The following OXR1 variants were observed in gnomAD, a reference collection of about 807,000 sequenced individuals.
OXR1 encodes the protein oxidation resistance 1.
In OXR1, 41 loss-of-function variants were observed where a neutral mutation model predicts 104.6. The ratio of observed to expected loss-of-function variants is 0.39; its 90% confidence interval spans 0.31 to 0.51. OXR1 has a LOEUF of 0.51. Ranked by LOEUF, OXR1 falls within the 20% of genes least tolerant of loss-of-function variation. The pLI, the probability that OXR1 is intolerant of heterozygous loss-of-function variation, is 0.77. For missense variants in OXR1, 955 were observed against 1,031.9 expected (o/e 0.93, Z 1.02); for synonymous variants, 348 against 348.4 (o/e 1.00, Z 0.01).
intron 3 of OXR1, among the ~76,000 whole-genome samples, chr8:106,575,543 T>G (rs1248731351): frequency 6.6e-6 from 1 of 152,100 alleles, no homozygotes; most frequent in Non-Finnish European, 1.5e-5. Flanking sequence ...ATTTCTTGTT[T>G]TAATGCAAAT....
intron 1 of OXR1, among the ~76,000 whole-genome samples, chr8:106,294,917 A>G (rs1433465246): frequency 6.6e-6 from 1 of 152,196 alleles, no homozygotes; most frequent in African/African-American, 2.4e-5. Context: ...GTGTTTTCAT[A>G]ACAATCTGTG....
At chr8:106,450,956 CTG>C (rs1285895979) in intron 2 of OXR1, among the ~76,000 whole-genome samples, 1 of 152,062 alleles carries the variant, frequency 6.6e-6, no homozygotes, top group African/African-American at 2.4e-5. Context: ...AAGCAGCAAA[CTG>C]TGATATTCAG....
At chr8:106,364,256 A>G (rs1265823349) in intron 2 of OXR1, among the ~76,000 whole-genome samples, 2 of 152,214 alleles carry the variant, frequency 1.3e-5, no homozygotes, top group Non-Finnish European at 2.9e-5. Flanking sequence ...AAATAAATAC[A>G]TTTGAATTAT....
intron 2 of OXR1, among the ~76,000 whole-genome samples, chr8:106,484,766 T>C (rs973438605): frequency 3.3e-5 from 5 of 152,020 alleles, no homozygotes; most frequent in African/African-American, 9.6e-5. Context: ...TTGGTGTTTT[T>C]TTAAAAACAA....
chr8:106,736,585 A>T (rs1434954077), intron 11 of OXR1, among the ~76,000 whole-genome samples: 1 of 152,198 alleles, frequency 6.6e-6, no homozygotes, highest in Non-Finnish European at 1.5e-5. Flanking sequence ...TCACTGTAGT[A>T]TGGTAACTGT....
At chr8:106,666,006 A>G (rs993557912) in intron 3 of OXR1, among the ~76,000 whole-genome samples, 1 of 152,160 alleles carries the variant, frequency 6.6e-6, no homozygotes, top group Non-Finnish European at 1.5e-5. Flanking sequence ...CAAAAAGCTT[A>G]TTTTTATGGT....
intron 1 of OXR1, among the ~76,000 whole-genome samples, chr8:106,273,532 A>C (rs1811903959): frequency 6.6e-6 from 1 of 152,228 alleles, no homozygotes; most frequent in African/African-American, 2.4e-5. Context: ...ACATTCTACA[A>C]TAAACTGGAC....
At chr8:106,670,220 TAAACTG>T (rs1826794926) in intron 3 of OXR1, among the ~76,000 whole-genome samples, 1 of 152,200 alleles carries the variant, frequency 6.6e-6, no homozygotes, top group African/African-American at 2.4e-5. Flanking sequence ...GGGAGAAAGA[TAAACTG>T]AAGTAGCTAG....
intron 3 of OXR1, among the ~76,000 whole-genome samples, chr8:106,646,213 C>A (rs1377192936): frequency 1.3e-5 from 2 of 151,920 alleles, no homozygotes; most frequent in Non-Finnish European, 2.9e-5. Context: ...TCAAACGATT[C>A]TCCTGCCTCA....
chr8:106,582,730 C>A (rs2346131), intron 3 of OXR1, among the ~76,000 whole-genome samples: 51,694 of 151,882 alleles, frequency 0.34, 9,124 homozygotes, highest in African/African-American at 0.42. Context: ...AGAAAATAAC[C>A]ACTAAAGCTT....
rs558071308 is a variant in OXR1 at position 106,376,878 on chromosome 8, G to A, written c.23+17242G>A. ...CTTCCTGTGGGTTCTCAGCCAGATG[G>A]GCTACCCATTATGCTTTTGGACTCT... On this transcript the variant is annotated intron_variant, in intron 2 of 16. Transcript: ENST00000517566. Among the ~76,000 whole-genome samples, 3 of 152,220 alleles carry A rather than the reference G, an allele frequency of 2.0e-5. No homozygotes were observed. The East Asian group carries it at 5.8e-4, about 29-fold the overall frequency.
rs567526320 is a variant in OXR1 at position 106,379,406 on chromosome 8, A to G, written c.23+19770A>G. On this transcript the variant is annotated intron_variant, in intron 2 of 16. Coordinates refer to ENST00000517566, the MANE Select transcript of OXR1 (RefSeq NM_001198533.2). ...TGTTTTTTGACAAGAGAAGAACATT[A>G]TAAGCATGTAAGATCATGCTTTTAT... Among the ~76,000 whole-genome samples the G allele has an allele frequency of 1.2e-3, 188 of 152,304 alleles. 2 individuals are homozygous for G. The highest frequency in any genetic ancestry group is 4.3e-3 in the African/African-American group (179 of 41,576).
chr8:106,513,829 C>A (rs901616406), intron 2 of OXR1, among the ~76,000 whole-genome samples: 1 of 152,068 alleles, frequency 6.6e-6, no homozygotes, highest in African/African-American at 2.4e-5. Context: ...ATTCTTAGAA[C>A]CTTTCTGGGT....
intron 6 of OXR1, among the ~76,000 whole-genome samples, chr8:106,688,705 A>T (rs1203051738): frequency 1.3e-5 from 2 of 152,146 alleles, no homozygotes; most frequent in Non-Finnish European, 2.9e-5. Flanking sequence ...AGGTACAATA[A>T]TCATGATCTG....
At chr8:106,457,146 A>T (rs1436784034) in intron 2 of OXR1, among the ~76,000 whole-genome samples, 1 of 152,172 alleles carries the variant, frequency 6.6e-6, no homozygotes, top group Admixed American at 6.5e-5. Context: ...ACTGGGATTC[A>T]CTGGTGTGCA....
At chr8:106,405,574 T>A (rs2130490851) in intron 2 of OXR1, among the ~76,000 whole-genome samples, 1 of 151,986 alleles carries the variant, frequency 6.6e-6, no homozygotes, top group East Asian at 1.9e-4. Flanking sequence ...CCCACCAGAG[T>A]TGTTACATGC....
intron 2 of OXR1, among the ~76,000 whole-genome samples, chr8:106,404,703 C>T (rs1818144376): frequency 6.6e-6 from 1 of 151,460 alleles, no homozygotes; most frequent in Non-Finnish European, 1.5e-5. Flanking sequence ...AGTCGCTCAG[C>T]TCCTTGCTTA....
At chr8:106,498,631 CTG>C (rs950408655) in intron 2 of OXR1, among the ~76,000 whole-genome samples, 2 of 151,906 alleles carry the variant, frequency 1.3e-5, no homozygotes, top group Non-Finnish European at 2.9e-5. Flanking sequence ...ACATGTTAAG[CTG>C]TGTGTGTGAG....
intron 3 of OXR1, among the ~76,000 whole-genome samples, chr8:106,622,347 G>A (rs953143205): frequency 1.3e-5 from 2 of 152,004 alleles, no homozygotes; most frequent in Admixed American, 1.3e-4. Flanking sequence ...TTTTCAGTGA[G>A]GCAACTGGGA....
Sources: gnomAD v4.1 joint callset for allele counts (sites outside exome capture counted in the v4.1 genomes callset) on GRCh38, gnomAD v4.1.1 for gene constraint, MANE v1.5 for transcripts, NCBI Gene and HGNC (gene_info 2026-07-23, HGNC 2026-07-21) for gene names.